The following C2orf80 variants were observed in gnomAD, a reference collection of about 807,000 sequenced individuals.
C2orf80 encodes the protein uncharacterized protein C2orf80.
In C2orf80, 28 loss-of-function variants were observed where a neutral mutation model predicts 30.2. The ratio of observed to expected loss-of-function variants is 0.93; its 90% CI spans 0.69 to 1.27. C2orf80 has a LOEUF of 1.27. Among genes scored for constraint, C2orf80 ranks in the 50% most tolerant of loss-of-function variants. The pLI is 0.00. For synonymous variants in C2orf80, 80 were observed against 76.4 expected (o/e 1.05, Z -0.24); for missense variants, 220 against 231.0 (o/e 0.95, Z 0.31).
chr2:208,176,970 CATATATACAGAAA>C (rs1696356679), intron 6 of C2orf80, among the ~76,000 whole-genome samples: 1 of 91,962 alleles, frequency 1.1e-5, no homozygotes, highest in African/African-American at 3.7e-5. Context: ...CATATGTATA[CATATATACAGAAA>C]TGTATATGTA....
intron 6 of C2orf80, among the ~76,000 whole-genome samples, chr2:208,179,415 C>G (rs1696477702): frequency 6.6e-6 from 1 of 152,196 alleles, no homozygotes; most frequent in South Asian, 2.1e-4. Context: ...GTGGCCACAG[C>G]CTTGCCCCTG....
intron 6 of C2orf80, among the ~76,000 whole-genome samples, chr2:208,174,782 C>T (rs1479136758): frequency 1.3e-5 from 2 of 152,166 alleles, no homozygotes; most frequent in African/African-American, 4.8e-5. Flanking sequence ...AGTCAGACGC[C>T]GGGGTCCGGC....
intron 4 of C2orf80, 55 bp from the exon 5 acceptor site, chr2:208,181,360 C>T: frequency 8.6e-7 from 1 of 1,168,844 alleles, no homozygotes; most frequent in Middle Eastern, 1.9e-4. Context: ...TTTTTGATGC[C>T]TGCTAAGGTT....
intron 6 of C2orf80, among the ~76,000 whole-genome samples, chr2:208,176,800 C>A (rs547683202): frequency 7.3e-6 from 1 of 137,404 alleles, no homozygotes; most frequent in South Asian, 2.5e-4. Context: ...GGAGGCCAGG[C>A]TTTGGAATCC....
In C2orf80 at chr2:208,176,023, C is replaced by A. The variant is rs553954586; in HGVS notation, c.367-3948G>T. On this transcript the variant is annotated intron_variant, in intron 6 of 8. Transcript: ENST00000341287. ...TTGTATTGGTAATTCAAATTACGCC[C>A]TCTGTGATCACTGGTTGTCCAAAAG... Among the ~76,000 whole-genome samples, 4 of 152,242 alleles carry A rather than the reference C, an allele frequency of 2.6e-5. No homozygotes were observed. The East Asian group carries it at 7.7e-4, about 29-fold the overall frequency.
chr2:208,184,107 G>A (rs1246886639), intron 3 of C2orf80, among the ~76,000 whole-genome samples: 1 of 152,202 alleles, frequency 6.6e-6, no homozygotes, highest in Non-Finnish European at 1.5e-5. Flanking sequence ...TGTTGCAACC[G>A]GATCCAAAGT....
chr2:208,181,084 C>G (rs540056171), intron 5 of C2orf80, 134 bp downstream of exon 5: 1 of 721,474 alleles, frequency 1.4e-6, no homozygotes, highest in East Asian at 2.7e-5. Context: ...CTTTAAAAAA[C>G]GAAACATTTA....
chr2:208,168,361 C>A, intron 8 of C2orf80: 1 of 333,718 alleles, frequency 3.0e-6, no homozygotes, highest in Non-Finnish European at 5.8e-6. Context: ...ATTTTTAAAA[C>A]TAGTTTAAAA....
chr2:208,176,893 A>C (rs569649197), intron 6 of C2orf80, among the ~76,000 whole-genome samples: 2,906 of 132,664 alleles, frequency 0.022, 257 homozygotes, highest in African/African-American at 0.075. Flanking sequence ...ATAGGTGTAT[A>C]TATATACATA....
At chr2:208,170,919 G>T in intron 8 of C2orf80, 26 bp downstream of exon 8, 5 of 1,556,470 alleles carry the variant, frequency 3.2e-6, no homozygotes, top group Non-Finnish European at 4.4e-6. Context: ...GTATCAGTTT[G>T]GTCCAATTTA....
At chr2:208,184,564 A>G (rs1696660084) in intron 3 of C2orf80, among the ~76,000 whole-genome samples, 1 of 152,138 alleles carries the variant, frequency 6.6e-6, no homozygotes, top group African/African-American at 2.4e-5. Context: ...AACACCAAGG[A>G]TTTTTAGGGT....
At chr2:208,189,088 C>G (rs1696803129) in intron 1 of C2orf80, among the ~76,000 whole-genome samples, 1 of 152,180 alleles carries the variant, frequency 6.6e-6, no homozygotes, top group Non-Finnish European at 1.5e-5. Flanking sequence ...TTCTGTAACT[C>G]TATAAAGTCT....
At chr2:208,183,118 G>T in intron 3 of C2orf80, 71 bp from the exon 4 acceptor site, 1 of 1,164,964 alleles carries the variant, frequency 8.6e-7, no homozygotes, top group Non-Finnish European at 1.3e-6. Context: ...TGGACCCAAT[G>T]ACAATGGGAC....
intron 6 of C2orf80, among the ~76,000 whole-genome samples, chr2:208,177,267 C>T (rs578171053): frequency 4.2e-4 from 64 of 151,110 alleles, no homozygotes; most frequent in African/African-American, 1.1e-3. Flanking sequence ...AGCGGCCAGA[C>T]GTGGTGGCTC....
chr2:208,172,435 A>G (rs1024028652), intron 6 of C2orf80, among the ~76,000 whole-genome samples: 3 of 151,956 alleles, frequency 2.0e-5, no homozygotes, highest in African/African-American at 7.3e-5. Context: ...ATGTATCCTG[A>G]TGTCCTCCCA....
chr2:208,187,082 G>GA, intron 1 of C2orf80, 21 bp from the exon 2 acceptor site: 1 of 1,144,032 alleles, frequency 8.7e-7, no homozygotes, highest in Admixed American at 1.8e-5. Flanking sequence ...AAATCAGAGA[G>GA]AATATGAGTT....
chr2:208,175,216 G>A (rs1042043729), intron 6 of C2orf80, among the ~76,000 whole-genome samples: 1 of 44,998 alleles, frequency 2.2e-5, no homozygotes, highest in Non-Finnish European at 3.5e-5. Flanking sequence ...AACCCCGGGG[G>A]GGGGGGGGGC....
At chr2:208,181,499 G>A (rs377206944) in intron 4 of C2orf80, among the ~76,000 whole-genome samples, 194 bp from the exon 5 acceptor site, 78 of 152,284 alleles carry the variant, frequency 5.1e-4, no homozygotes, top group African/African-American at 1.7e-3. Flanking sequence ...CAATAATGGT[G>A]ATGAATTTGG....
At chr2:208,175,581 A>G (rs1696262043) in intron 6 of C2orf80, among the ~76,000 whole-genome samples, 1 of 152,108 alleles carries the variant, frequency 6.6e-6, no homozygotes, top group Non-Finnish European at 1.5e-5. Context: ...CATGCGGCCA[A>G]TTCCAGTTGC....
Sources: allele counts gnomAD v4.1 joint callset (sites outside exome capture counted in the v4.1 genomes callset), GRCh38; gene constraint gnomAD v4.1.1; transcripts MANE v1.5; gene names NCBI Gene and HGNC (gene_info 2026-07-23, HGNC 2026-07-21).